The following SGK2 variants were observed in gnomAD, a reference collection of about 807,000 sequenced individuals.
SGK2 encodes serine/threonine-protein kinase Sgk2.
In SGK2, 36 loss-of-function variants were observed where a neutral mutation model predicts 47.5. That is an observed-to-expected ratio of 0.76 (90% CI 0.58 to 1.00). The LOEUF is 1.00. SGK2 is among the 50% of genes least tolerant of loss of function. The pLI is 0.00. For missense variants in SGK2, 404 were observed against 467.4 expected (o/e 0.86, Z 1.25); for synonymous variants, 157 against 181.9 (o/e 0.86, Z 1.10).
chr20:43,566,194 T>C, intron 1 of SGK2: 1 of 723,606 alleles, frequency 1.4e-6, no homozygotes, highest in African/African-American at 1.8e-5. Context: ...TTGCCCTGGG[T>C]GTCCCCAGTT....
intron 6 of SGK2, 38 bp downstream of exon 6, chr20:43,569,554 C>G (rs770943202): frequency 6.2e-7 from 1 of 1,606,404 alleles, no homozygotes; most frequent in Non-Finnish European, 8.5e-7. Flanking sequence ...TGGGCTGGCT[C>G]TCGGCTGGGA....
chr20:43,568,711 T>C (rs1054648294), intron 5 of SGK2, among the ~76,000 whole-genome samples: 69 of 151,936 alleles, frequency 4.5e-4, no homozygotes, highest in African/African-American at 1.6e-3. Flanking sequence ...CCTCAAGAGA[T>C]CCGCTGGCCT....
chr20:43,578,755 C>T (rs1393943767), intron 11 of SGK2, among the ~76,000 whole-genome samples: 3 of 152,018 alleles, frequency 2.0e-5, no homozygotes, highest in East Asian at 3.9e-4. Context: ...TACTGTAAAT[C>T]GTAACAACAG....
intron 11 of SGK2, 54 bp from the exon 12 acceptor site, chr20:43,579,918 C>CACCCATGG: frequency 8.7e-7 from 1 of 1,144,072 alleles, no homozygotes; most frequent in East Asian, 2.3e-5. Flanking sequence ...GAGGTGAGAG[C>CACCCATGG]ACCCATGGGG....
At chr20:43,571,131 C>T (rs1318110512) in intron 8 of SGK2, 71 bp downstream of exon 8, 3 of 1,598,140 alleles carry the variant, frequency 1.9e-6, no homozygotes, top group Admixed American at 1.7e-5. Context: ...ACTATCTGAC[C>T]ATGAGTCTGT....
At chr20:43,560,514 A>AAT (rs1309205635) in intron 1 of SGK2, among the ~76,000 whole-genome samples, 2 of 150,696 alleles carry the variant, frequency 1.3e-5, no homozygotes, top group Admixed American at 6.6e-5. Flanking sequence ...AAAAAAAAAA[A>AAT]AGTTAAAATA....
Position 43,584,903 on chromosome 20 carries a change from G to A in SGK2, c.991G>A (p.Val331Met), listed in dbSNP as rs200888984. The change falls in exon 13 of 13, where the codon GTG (valine) becomes ATG (methionine). Residue 331 changes from valine (V) to methionine (M), a missense_variant. By Grantham distance (21) the Val-to-Met change is conservative (BLOSUM62 1). Coordinates refer to ENST00000373100, the MANE Select transcript of SGK2 (RefSeq NM_170693.3). Reference protein sequence around the residue: ...HFDPEFTQEAVSKSIGCTPDT... With the variant: ...HFDPEFTQEAMSKSIGCTPDT... Reference sequence around the variant, plus strand: ...TGACCCAGAGTTCACCCAGGAAGCTGTGTCCAAGTCCATTGGCTGTACCCC... The same window carrying A: ...TGACCCAGAGTTCACCCAGGAAGCTATGTCCAAGTCCATTGGCTGTACCCC... The A allele has an allele frequency of 2.5e-6, 4 of 1,614,142 alleles. No individual in the cohort carries two copies. Among genetic ancestry groups the A allele is most frequent in the South Asian group, 1.1e-5 (1 of 91,078 alleles).
intron 10 of SGK2, among the ~76,000 whole-genome samples, chr20:43,575,673 G>A (rs1332265358): frequency 6.6e-6 from 1 of 152,176 alleles, no homozygotes; most frequent in Non-Finnish European, 1.5e-5. Context: ...AGAGGCATGT[G>A]TAGATTTGCC....
chr20:43,574,391 C>T lies in SGK2; in HGVS notation c.598-518C>T, dbSNP rs1401590564. On this transcript the variant is annotated intron_variant, in intron 9 of 12. Coordinates refer to ENST00000373100, the MANE Select transcript of SGK2 (RefSeq NM_170693.3). The stretch of plus-strand genomic sequence containing the variant: ...CTAGGGTTTCCAGCACAAGGATATG[C>T]CACATGTACTTTTACTTACACTCAC... Among the ~76,000 whole-genome samples the T allele has an allele frequency of 4.6e-5, 7 of 152,214 alleles. 1 individual carries two copies. The highest frequency in any genetic ancestry group is 4.6e-4 in the Admixed American group (7 of 15,278).
chr20:43,577,922 G>A (rs1370111256), intron 11 of SGK2, among the ~76,000 whole-genome samples: 1 of 152,112 alleles, frequency 6.6e-6, no homozygotes, highest in Non-Finnish European at 1.5e-5. Flanking sequence ...TAGGATTACA[G>A]GCATGAGCCA....
At chr20:43,568,962 C>T (rs1457909467) in intron 5 of SGK2, among the ~76,000 whole-genome samples, 2 of 152,086 alleles carry the variant, frequency 1.3e-5, no homozygotes, top group African/African-American at 4.8e-5. Context: ...AGCGGTGCAG[C>T]TGGCCTTGAT....
Position 43,577,536 on chromosome 20 carries a change from G to A in SGK2, c.849+1157G>A, listed in dbSNP as rs530344042. ...CCAGCTAATTTTTGTATTTTTAGTA[G>A]AGACGGGGTTTCACCAAGTTGGCCA... On this transcript the variant is annotated intron_variant, in intron 11 of 12. Transcript: ENST00000373100. Among the ~76,000 whole-genome samples the A allele has an allele frequency of 2.0e-5, 3 of 150,264 alleles. No homozygotes were observed. The South Asian group carries it at 6.3e-4, about 32-fold the overall frequency.
At chr20:43,578,795 G>A (rs1185436197) in intron 11 of SGK2, among the ~76,000 whole-genome samples, 1 of 152,132 alleles carries the variant, frequency 6.6e-6, no homozygotes, top group African/African-American at 2.4e-5. Flanking sequence ...TTCCTGGCCA[G>A]CTTAAAGAAT....
rs1018337801 is a variant in SGK2, at chr20:43,569,166, C to T, written c.229-219C>T. 5.9e-5 allele frequency among the ~76,000 whole-genome samples: 9 copies of T among 152,108 alleles called. 1 individual carries two copies. Among genetic ancestry groups the T allele is most frequent in the African/African-American group, 2.2e-4 (9 of 41,422 alleles). On this transcript the variant is annotated intron_variant, in intron 5 of 12. Coordinates refer to ENST00000373100, the MANE Select transcript of SGK2 (RefSeq NM_170693.3). The stretch of plus-strand genomic sequence containing the variant: ...GGGGCTAGAGCTGTGCCCACATGAA[C>T]TAGCTTAGGATGAGGCTGACCACCC...
intron 10 of SGK2, among the ~76,000 whole-genome samples, chr20:43,575,323 C>T (rs571758869): frequency 1.1e-4 from 16 of 151,812 alleles, no homozygotes; most frequent in African/African-American, 2.7e-4. Flanking sequence ...ATTAGCTGGG[C>T]GTGGTGGCGG....
chr20:43,560,217 G>A (rs1422106865), intron 1 of SGK2, among the ~76,000 whole-genome samples: 3 of 152,020 alleles, frequency 2.0e-5, no homozygotes, highest in East Asian at 1.9e-4. Flanking sequence ...TAAAATAACC[G>A]GCCGGGTACA....
chr20:43,579,781 G>A (rs979637248), intron 11 of SGK2, among the ~76,000 whole-genome samples, 191 bp from the exon 12 acceptor site: 3 of 152,160 alleles, frequency 2.0e-5, no homozygotes, highest in African/African-American at 7.2e-5. Flanking sequence ...GGGGAGAAGG[G>A]TTTGGATTCT....
chr20:43,582,574 G>A (rs527879896), intron 12 of SGK2, among the ~76,000 whole-genome samples: 3 of 151,472 alleles, frequency 2.0e-5, no homozygotes, highest in East Asian at 2.0e-4. Context: ...TTTTAGTAGA[G>A]ATGGGGTTTT....
At chr20:43,561,052 G>A (rs1183671427) in intron 1 of SGK2, among the ~76,000 whole-genome samples, 1 of 152,204 alleles carries the variant, frequency 6.6e-6, no homozygotes, top group Non-Finnish European at 1.5e-5. Context: ...GGACTATAGC[G>A]GTTTTAGCAC....
Sources: allele counts gnomAD v4.1 joint callset (sites outside exome capture counted in the v4.1 genomes callset), GRCh38; gene constraint gnomAD v4.1.1; transcripts MANE v1.5; gene names NCBI Gene and HGNC (gene_info 2026-07-23, HGNC 2026-07-21).